ASCC3: variants seen among roughly 807,000 people sequenced by gnomAD.
The protein encoded by ASCC3 is ASC-1 complex subunit P200.
A neutral mutation model predicts 256.3 loss-of-function variants in ASCC3; 158 were observed. The ratio of observed to expected loss-of-function variants is 0.62; its 90% CI spans 0.54 to 0.70. The LOEUF (loss-of-function observed/expected upper bound fraction) is 0.70, where lower values mean the gene tolerates loss of function less well. Among genes scored for constraint, ASCC3 ranks in the 30% least tolerant of loss-of-function variants. The pLI is 0.00. For synonymous variants in ASCC3, 948 were observed against 883.4 expected (o/e 1.07, Z -1.30); for missense variants, 2,259 against 2,626.0 (o/e 0.86, Z 3.05).
chr6:100,700,201 C>T (rs372610789), intron 13 of ASCC3, among the ~76,000 whole-genome samples: 9 of 152,114 alleles, frequency 5.9e-5, no homozygotes, highest in African/African-American at 2.2e-4. Context: ...CCCCATGCTG[C>T]GTGCAGCCTA....
chr6:100,840,150 A>C (rs73760725), intron 4 of ASCC3, among the ~76,000 whole-genome samples: 4,394 of 152,294 alleles, frequency 0.029, 215 homozygotes, highest in African/African-American at 0.1. Flanking sequence ...ATATCACTTT[A>C]GAGTATACAG....
intron 14 of ASCC3, among the ~76,000 whole-genome samples, chr6:100,664,902 T>C (rs1776391967): frequency 6.6e-6 from 1 of 152,148 alleles, no homozygotes; most frequent in African/African-American, 2.4e-5. Context: ...ATTCAAATCA[T>C]ATTGCTGGAT....
chr6:100,769,097 T>C (rs533202933), intron 8 of ASCC3, among the ~76,000 whole-genome samples: 13 of 152,078 alleles, frequency 8.5e-5, no homozygotes, highest in African/African-American at 2.2e-4. Context: ...AGGGGAAATT[T>C]TGTAGCACTA....
intron 8 of ASCC3, among the ~76,000 whole-genome samples, chr6:100,768,955 C>T (rs528481594): frequency 6.6e-6 from 1 of 152,140 alleles, no homozygotes; most frequent in Admixed American, 6.5e-5. Flanking sequence ...AAATAGCACA[C>T]CTCCTTAAAT....
At chr6:100,818,793 T>C (rs748118627) in intron 4 of ASCC3, among the ~76,000 whole-genome samples, 1 of 115,072 alleles carries the variant, frequency 8.7e-6, no homozygotes, top group Non-Finnish European at 1.8e-5. Flanking sequence ...GCATCTAGAT[T>C]AAAAAGCAGT....
At chr6:100,594,834 T>C (rs1210564653) in intron 34 of ASCC3, among the ~76,000 whole-genome samples, 1 of 152,106 alleles carries the variant, frequency 6.6e-6, no homozygotes, top group Non-Finnish European at 1.5e-5. Flanking sequence ...GGTGTATATA[T>C]ACACAATGGA....
intron 8 of ASCC3, among the ~76,000 whole-genome samples, chr6:100,783,019 AAAG>A (rs1410119452): frequency 6.6e-6 from 1 of 152,120 alleles, no homozygotes; most frequent in Non-Finnish European, 1.5e-5. Context: ...CCAAAAAAAA[AAAG>A]AAATATGACT....
Position 100,864,166 on chromosome 6 carries a change from A to C in ASCC3, c.139T>G (p.Trp47Gly). 2 of 1,607,584 alleles carry C rather than the reference A, an allele frequency of 1.2e-6. No individual in the cohort carries two copies. The highest frequency in any genetic ancestry group is 1.7e-6 in the Non-Finnish European group (2 of 1,175,844). The change falls in exon 3 of 42, where the codon TGG (tryptophan) becomes GGG (glycine). Residue 47 changes from tryptophan to glycine, a missense_variant. Around this residue, in one of 2 missense-constraint regions of ASCC3, gnomAD observed 420 missense variants for 419.3 expected, o/e 1.00. Coordinates refer to ENST00000369162, the MANE Select transcript of ASCC3 (RefSeq NM_006828.4). ...HEQVLDLGLT[W>G]KKIIKFLNEK... is the part of the protein sequence containing the mutation. ...TTCAAAAATTTTATTATCTTCTTCC[A>C]TGTCAGGCCCAAATCTAAAACTTGT...
intron 1 of ASCC3, among the ~76,000 whole-genome samples, chr6:100,868,871 T>TA (rs1773607080): frequency 6.6e-6 from 1 of 152,196 alleles, no homozygotes; most frequent in South Asian, 2.1e-4. Flanking sequence ...CCTGGTCTAA[T>TA]CTCCTCCTTA....
intron 36 of ASCC3, among the ~76,000 whole-genome samples, chr6:100,581,113 G>C (rs959151307): frequency 1.3e-5 from 2 of 152,018 alleles, no homozygotes; most frequent in African/African-American, 4.8e-5. Flanking sequence ...GGGATGGCTG[G>C]GTCAAATGGT....
chr6:100,826,661 G>C (rs1375668978), intron 4 of ASCC3, among the ~76,000 whole-genome samples: 2 of 152,032 alleles, frequency 1.3e-5, no homozygotes, highest in Non-Finnish European at 2.9e-5. Flanking sequence ...AAAAACTGCA[G>C]GATAAAGAAT....
Position 100,725,399 on chromosome 6 carries a change from A to C in ASCC3, c.1902+140T>G, listed in dbSNP as rs1340862511. 7.8e-6 allele frequency: 8 copies of C among 1,026,528 alleles called. No individual in the cohort carries two copies. The East Asian group carries it at 1.8e-4, about 24-fold the overall frequency. The allele number at this position is 1,026,528 out of a possible 1,614,324, so 63.6% of individuals were successfully genotyped here. ...GTCTAAAACTAGGGACAACAGGTAC[A>C]TTCCCCCTTTTAAAAATATGAAGAT... On this transcript the variant is annotated intron_variant, in intron 11 of 41. Transcript: ENST00000369162.
chr6:100,696,439 A>T (rs180740884), intron 13 of ASCC3, among the ~76,000 whole-genome samples: 1 of 152,220 alleles, frequency 6.6e-6, no homozygotes, highest in Non-Finnish European at 1.5e-5. Flanking sequence ...TTATCAAATG[A>T]TTTCTCTAAA....
intron 14 of ASCC3, among the ~76,000 whole-genome samples, chr6:100,670,276 T>C (rs1431704550): frequency 6.6e-6 from 1 of 152,124 alleles, no homozygotes; most frequent in East Asian, 1.9e-4. Flanking sequence ...GGCAAAGTTA[T>C]GTGGGGGTAA....
In ASCC3 at chr6:100,848,602, T is replaced by A; in HGVS notation, c.347A>T (p.Lys116Ile). 1 of 1,614,118 alleles carries A rather than the reference T, an allele frequency of 6.2e-7. No individual in the cohort carries two copies. The highest frequency in any genetic ancestry group is 1.1e-5 in the South Asian group (1 of 91,078). Residue 116 changes from lysine (K) to isoleucine (I), a missense_variant, in exon 4 of 42, where the codon AAA (lysine) becomes ATA (isoleucine). By Grantham distance (102) the Lys-to-Ile change is moderately radical (BLOSUM62 -3). This residue lies in a region of ASCC3 where 420 missense variants were observed against 419.3 expected (regional missense o/e 1.00). Transcript: ENST00000369162. ...SVGHKETKAI[K>I]QMFGPFPSSS... ...TGAAGGAAAGGGGCCAAACATCTGTTTGATAGCCTTTGTTTCCTTGTGACC... is the reference window on the plus strand; with the variant it reads ...TGAAGGAAAGGGGCCAAACATCTGTATGATAGCCTTTGTTTCCTTGTGACC...
At chr6:100,785,833 G>T (rs1003502604) in intron 8 of ASCC3, among the ~76,000 whole-genome samples, 5 of 152,082 alleles carry the variant, frequency 3.3e-5, no homozygotes, top group African/African-American at 1.2e-4. Flanking sequence ...AATACAGATG[G>T]ACCTTAGAAA....
intron 3 of ASCC3, among the ~76,000 whole-genome samples, chr6:100,853,004 T>G (rs1582964570): frequency 6.7e-6 from 1 of 149,074 alleles, no homozygotes; most frequent in Non-Finnish European, 1.5e-5. Flanking sequence ...AAAAAAAAAG[T>G]CAAAAGTGAA....
chr6:100,865,408 A>C (rs576609618), intron 2 of ASCC3, among the ~76,000 whole-genome samples: 11 of 152,330 alleles, frequency 7.2e-5, no homozygotes, highest in African/African-American at 2.6e-4. Context: ...TCTAATACAG[A>C]GTAACTTGCA....
intron 34 of ASCC3, among the ~76,000 whole-genome samples, chr6:100,596,659 T>A (rs1170441528): frequency 1.3e-5 from 2 of 152,210 alleles, no homozygotes; most frequent in East Asian, 3.9e-4. Context: ...CTTCTTTCAA[T>A]CCTTAAATTT....
Sources: allele counts gnomAD v4.1 joint callset (sites outside exome capture counted in the v4.1 genomes callset), GRCh38; gene constraint gnomAD v4.1.1; regional missense constraint gnomAD v4.1.1; transcripts MANE v1.5; gene names NCBI Gene and HGNC (gene_info 2026-07-23, HGNC 2026-07-21).